INSYN2A: variants seen among roughly 807,000 people sequenced by gnomAD.
INSYN2A encodes inhibitory synaptic factor 2A, also known as family with sequence similarity 196 member A.
In INSYN2A, 17 loss-of-function variants were observed where a neutral mutation model predicts 39.4. That is an observed-to-expected ratio of 0.43 (90% CI 0.30 to 0.65). INSYN2A has a LOEUF of 0.65. Among genes scored for constraint, INSYN2A ranks in the 30% least tolerant of loss-of-function variants. INSYN2A has a pLI of 0.14. For synonymous variants in INSYN2A, 255 were observed against 265.7 expected, an observed-to-expected ratio of 0.96 and a Z score of 0.39; for missense variants, 595 against 631.2, an observed-to-expected ratio of 0.94 and a Z score of 0.61.
chr10:127,169,553 C>T (rs894218233), intron 4 of INSYN2A, among the ~76,000 whole-genome samples: 1 of 152,220 alleles, frequency 6.6e-6, no homozygotes, highest in African/African-American at 2.4e-5. Context: ...CCAAATCTGG[C>T]TACCACCTGT....
At position 127,175,197 on chromosome 10, in the gene INSYN2A, G is replaced by A. The variant is rs1564869131; in HGVS notation, c.1184+15C>T. The A allele has an allele frequency of 2.5e-6, 4 of 1,594,340 alleles. No individual in the cohort carries two copies. Among genetic ancestry groups the A allele is most frequent in the Non-Finnish European group, 3.4e-6 (4 of 1,167,898 alleles). Reference sequence around the variant, plus strand: ...AGCCTGCATAGCTTCCTAAGACATGGGTGAACATACATACCCTTCCCGATG... The same window carrying A: ...AGCCTGCATAGCTTCCTAAGACATGAGTGAACATACATACCCTTCCCGATG... On this transcript the variant is annotated intron_variant, in intron 4 of 5. Coordinates refer to ENST00000522781, the MANE Select transcript of INSYN2A (RefSeq NM_001039762.3). The surrounding 1 kb of genome is among the most constrained non-coding windows in gnomAD (Gnocchi z 6.3).
At chr10:127,150,270 A>T (rs1429675418) in intron 5 of INSYN2A, among the ~76,000 whole-genome samples, 1 of 152,136 alleles carries the variant, frequency 6.6e-6, no homozygotes, top group African/African-American at 2.4e-5. Context: ...AGCTTCTGAC[A>T]TTTGGGGGTG....
intron 4 of INSYN2A, among the ~76,000 whole-genome samples, chr10:127,168,056 CTGTT>C (rs1157721335): frequency 6.6e-6 from 1 of 152,120 alleles, no homozygotes; most frequent in Non-Finnish European, 1.5e-5. Flanking sequence ...GTATTCTCAG[CTGTT>C]TGTTACAGAG....
intron 2 of INSYN2A, among the ~76,000 whole-genome samples, chr10:127,191,009 G>C (rs748286499): frequency 6.6e-6 from 1 of 151,980 alleles, no homozygotes; most frequent in Admixed American, 6.6e-5. Context: ...TCCTCAAACT[G>C]ACTCCAGACT....
At chr10:127,170,935 A>G (rs2054517310) in intron 4 of INSYN2A, among the ~76,000 whole-genome samples, 1 of 152,232 alleles carries the variant, frequency 6.6e-6, no homozygotes, top group Non-Finnish European at 1.5e-5. Flanking sequence ...GTGTTTTACA[A>G]GGGACTAAAA....
At chr10:127,161,916 C>T (rs2053623433) in intron 4 of INSYN2A, among the ~76,000 whole-genome samples, 1 of 152,148 alleles carries the variant, frequency 6.6e-6, no homozygotes. Context: ...TGGATTGACC[C>T]CTGTTCCAGA....
chr10:127,190,657 T>G (rs1564887579), intron 2 of INSYN2A, among the ~76,000 whole-genome samples: 1 of 28,436 alleles, frequency 3.5e-5, no homozygotes, highest in Admixed American at 4.3e-4. Context: ...TTAATAGAAA[T>G]CCTATCTTCC....
chr10:127,138,781 A>T (rs1431439260), intron 5 of INSYN2A, among the ~76,000 whole-genome samples: 4 of 152,220 alleles, frequency 2.6e-5, no homozygotes, highest in Non-Finnish European at 5.9e-5. Context: ...TTGCATTAGA[A>T]GATGGTGTTA....
Position 127,186,504 on chromosome 10 carries a change from ACCGCCCCCCC to A in INSYN2A, c.-269+6091_-269+6100del, listed in dbSNP as rs1429039694. Among the ~76,000 whole-genome samples, 147 of 9,024 alleles carry A rather than the reference ACCGCCCCCCC, an allele frequency of 0.016. 29 individuals are homozygous for A. In the East Asian group the frequency reaches 0.38, roughly 23 times the overall value. 5.9% of individuals were successfully genotyped at this position (9,024 alleles called of 152,430 possible). On this transcript the variant is annotated intron_variant, in intron 2 of 5. Coordinates refer to ENST00000522781, the MANE Select transcript of INSYN2A (RefSeq NM_001039762.3). ...CAATCATGATAACAGCATGGGAGAAACCGCCCCCCCGCCCCCCCCCGATCCAGTTACCTCC... is the reference window on the plus strand; with the variant it reads ...CAATCATGATAACAGCATGGGAGAAAGCCCCCCCCCGATCCAGTTACCTCC...
At chr10:127,150,853 A>T (rs1368611853) in intron 5 of INSYN2A, among the ~76,000 whole-genome samples, 1 of 152,190 alleles carries the variant, frequency 6.6e-6, no homozygotes, top group Non-Finnish European at 1.5e-5. Flanking sequence ...CACTTTAAAG[A>T]CAGGAAAATT....
At chr10:127,171,994 C>T (rs868595835) in intron 4 of INSYN2A, among the ~76,000 whole-genome samples, 6 of 152,198 alleles carry the variant, frequency 3.9e-5, no homozygotes, top group Admixed American at 2.0e-4. Flanking sequence ...CATGATCCAC[C>T]GTGCCCGGCC....
chr10:127,163,967 C>A (rs185083838), intron 4 of INSYN2A, among the ~76,000 whole-genome samples: 2 of 151,884 alleles, frequency 1.3e-5, no homozygotes, highest in African/African-American at 4.8e-5. Context: ...GAGGCTCTGG[C>A]TGTTAGGGAA....
intron 5 of INSYN2A, among the ~76,000 whole-genome samples, chr10:127,146,747 AG>A (rs2051897620): frequency 6.6e-6 from 1 of 152,204 alleles, no homozygotes; most frequent in South Asian, 2.1e-4. Context: ...AGGGCTGGAA[AG>A]GGCACTTCCA....
At chr10:127,138,925 C>T (rs2050958965) in intron 5 of INSYN2A, among the ~76,000 whole-genome samples, 1 of 152,216 alleles carries the variant, frequency 6.6e-6, no homozygotes, top group Non-Finnish European at 1.5e-5. Flanking sequence ...CCTAACAGGT[C>T]TGCTTGGCAG....
intron 4 of INSYN2A, among the ~76,000 whole-genome samples, chr10:127,162,005 T>C (rs1158156862): frequency 6.6e-6 from 1 of 152,212 alleles, no homozygotes; most frequent in African/African-American, 2.4e-5. Flanking sequence ...AGGACGTTGA[T>C]GATGGGACAG....
At chr10:127,160,810 T>C (rs2053533952) in intron 4 of INSYN2A, among the ~76,000 whole-genome samples, 1 of 152,238 alleles carries the variant, frequency 6.6e-6, no homozygotes, top group Admixed American at 6.5e-5. Context: ...TTGATCTCTC[T>C]TGTTCTTTCA....
At chr10:127,167,717 G>C (rs746771684) in intron 4 of INSYN2A, among the ~76,000 whole-genome samples, 1 of 151,974 alleles carries the variant, frequency 6.6e-6, no homozygotes, top group African/African-American at 2.4e-5. Context: ...CGCTACATCA[G>C]CTCCCCTGCC....
intron 1 of INSYN2A, among the ~76,000 whole-genome samples, chr10:127,195,787 C>T (rs2057084695): frequency 6.6e-6 from 1 of 152,156 alleles, no homozygotes; most frequent in African/African-American, 2.4e-5. Context: ...GTTGCATAAC[C>T]TTGCCCCCCA....
chr10:127,172,710 T>C (rs1035013721), intron 4 of INSYN2A, among the ~76,000 whole-genome samples: 2 of 152,106 alleles, frequency 1.3e-5, no homozygotes, highest in African/African-American at 4.8e-5. Context: ...CTTTCTACCT[T>C]CCACCGTGAG....
Sources: allele counts gnomAD v4.1 joint callset (sites outside exome capture counted in the v4.1 genomes callset), GRCh38; gene constraint gnomAD v4.1.1; non-coding constraint Gnocchi (gnomAD v3.1); transcripts MANE v1.5; gene names NCBI Gene and HGNC (gene_info 2026-07-23, HGNC 2026-07-21).